Variants in PLCG2 observed in about 807,000 individuals in gnomAD.
PLCG2 encodes the protein 1-phosphatidylinositol 4,5-bisphosphate phosphodiesterase gamma-2.
A neutral mutation model predicts 175.6 loss-of-function variants in PLCG2; 69 were observed. The ratio of observed to expected loss-of-function variants is 0.39; its 90% CI spans 0.32 to 0.48. PLCG2 has a LOEUF of 0.48. Among genes scored for constraint, PLCG2 ranks in the 20% least tolerant of loss-of-function variants. The pLI is 0.91. For synonymous variants in PLCG2, 827 were observed against 624.0 expected, an observed-to-expected ratio of 1.33 and a Z score of -4.85; for missense variants, 1,798 against 1,650.9, an observed-to-expected ratio of 1.09 and a Z score of -1.54.
chr16:81,788,206 A>G (rs957199926), intron 2 of PLCG2, among the ~76,000 whole-genome samples: 2 of 152,174 alleles, frequency 1.3e-5, no homozygotes, highest in African/African-American at 4.8e-5. Context: ...TGATCGTTGC[A>G]TTATTCTTCA....
At chr16:81,870,305 A>G (rs1213489526) in intron 6 of PLCG2, among the ~76,000 whole-genome samples, 2 of 152,244 alleles carry the variant, frequency 1.3e-5, no homozygotes, top group Non-Finnish European at 2.9e-5. Context: ...TTTTACAGGT[A>G]AAGAAAACTG....
intron 30 of PLCG2, among the ~76,000 whole-genome samples, chr16:81,940,460 G>GT (rs966151907): frequency 1.4e-5 from 2 of 145,994 alleles, no homozygotes; most frequent in African/African-American, 4.9e-5. Context: ...GGCATCTTGG[G>GT]GGGGGAGTAA....
At chr16:81,795,699 CT>C (rs1186393002) in intron 2 of PLCG2, among the ~76,000 whole-genome samples, 78 of 147,146 alleles carry the variant, frequency 5.3e-4, no homozygotes, top group Middle Eastern at 3.5e-3. Context: ...CTCCCACCTG[CT>C]TTTTTTTTTT....
intron 2 of PLCG2, among the ~76,000 whole-genome samples, chr16:81,809,865 A>C (rs1597331178): frequency 6.6e-6 from 1 of 151,614 alleles, no homozygotes; most frequent in African/African-American, 2.4e-5. Flanking sequence ...TCAAGCAAAA[A>C]AAGAGAATTT....
intron 31 of PLCG2, among the ~76,000 whole-genome samples, chr16:81,954,523 G>A (rs1203271253): frequency 6.6e-6 from 1 of 152,156 alleles, no homozygotes; most frequent in Non-Finnish European, 1.5e-5. Flanking sequence ...GCCATGGTGT[G>A]TGTTGTTGCC....
intron 5 of PLCG2, 46 bp from the exon 6 acceptor site, chr16:81,869,168 G>C (rs758204350): frequency 4.1e-6 from 6 of 1,466,988 alleles, no homozygotes; most frequent in Non-Finnish European, 4.8e-6. Flanking sequence ...ATCCTGTGCT[G>C]TTGAAAACCC....
intron 3 of PLCG2, among the ~76,000 whole-genome samples, chr16:81,857,115 T>C (rs1906725769): frequency 6.6e-6 from 1 of 152,252 alleles, no homozygotes; most frequent in Non-Finnish European, 1.5e-5. Flanking sequence ...TCATTTGTTA[T>C]AGCAGCAGAG....
chr16:81,802,566 C>G (rs539382875), intron 2 of PLCG2, among the ~76,000 whole-genome samples: 59 of 152,106 alleles, frequency 3.9e-4, no homozygotes, highest in Non-Finnish European at 2.9e-4. Context: ...TGTTTTCTTT[C>G]TTTTTTTGTT....
At chr16:81,749,359 A>AT (rs1015124761) in intron 1 of PLCG2, among the ~76,000 whole-genome samples, 7 of 151,916 alleles carry the variant, frequency 4.6e-5, no homozygotes, top group African/African-American at 1.2e-4. Context: ...TTTATTTTTT[A>AT]TTTTTTTGCG....
At chr16:81,762,252 A>G (rs1017287676) in intron 2 of PLCG2, among the ~76,000 whole-genome samples, 1 of 152,208 alleles carries the variant, frequency 6.6e-6, no homozygotes. Context: ...TGTTGCTATT[A>G]TTTTTTTAAA....
intron 1 of PLCG2, among the ~76,000 whole-genome samples, chr16:81,750,663 A>ATAGTTTTTTTTTT (rs1909790859): frequency 1.5e-5 from 1 of 68,446 alleles, no homozygotes; most frequent in Non-Finnish European, 2.6e-5. Flanking sequence ...GGGACTGGAG[A>ATAGTTTTTTTTTT]TTTTTTTTTT....
chr16:81,868,184 A>G lies in PLCG2; in HGVS notation c.480-1030A>G, dbSNP rs184526691. 1.1e-3 allele frequency among the ~76,000 whole-genome samples: 169 copies of G among 152,260 alleles called. 2 individuals carry two copies. The East Asian group carries it at 0.027, about 25-fold the overall frequency. Reference sequence around the variant, plus strand: ...TTGGCTGTTCTGAGCCCTGGGGGTCAACCATGTGTACTTTGCAGAAGGTAG... The same window carrying G: ...TTGGCTGTTCTGAGCCCTGGGGGTCGACCATGTGTACTTTGCAGAAGGTAG... On this transcript the variant is annotated intron_variant, in intron 5 of 32. Coordinates refer to ENST00000564138, the MANE Select transcript of PLCG2 (RefSeq NM_002661.5).
At chr16:81,938,954 C>A in intron 29 of PLCG2, 39 bp downstream of exon 29, 2 of 1,173,876 alleles carry the variant, frequency 1.7e-6, no homozygotes, top group East Asian at 2.4e-5. Context: ...TTTAAACGTC[C>A]GGCCAGTGAA....
Position 81,936,243 on chromosome 16 carries a change from G to C in PLCG2, c.2917G>C (p.Asp973His). ...ADSIIRQKPVDLLKYNQKGLT... is the reference protein window; with the variant it reads ...ADSIIRQKPVHLLKYNQKGLT... ...CAGCATCATCAGACAGAAGCCCGTC[G>C]ACCTCCTGAAGTACAATCAAAAGGG... The change falls in exon 27 of 33, where the codon GAC (aspartate) becomes CAC (histidine). Residue 973 changes from aspartate (D) to histidine (H), a missense_variant. Physicochemically the swap from Asp to His is moderately conservative, Grantham distance 81. Transcript: ENST00000564138. 6.2e-7 allele frequency: 1 copy of C among 1,614,078 alleles called. No individual in the cohort carries two copies. Among genetic ancestry groups the C allele is most frequent in the Non-Finnish European group, 8.5e-7 (1 of 1,180,012 alleles).
chr16:81,778,035 A>AAC (rs1555505450), upstream of PLCG2, among the ~76,000 whole-genome samples: 1 of 85,404 alleles, frequency 1.2e-5, no homozygotes, highest in Admixed American at 1.0e-4. Context: ...AAAAAAACAA[A>AAC]AAAAAAACAA....
rs747988983 is a variant in PLCG2 at position 81,831,825 on chromosome 16, C to G, written c.194-22619C>G. Among the ~76,000 whole-genome samples, 14 of 152,292 alleles carry G rather than the reference C, an allele frequency of 9.2e-5. No homozygotes were observed. In the East Asian group the frequency reaches 2.7e-3, roughly 29 times the overall value. ...TCTAGCTGTCTGCAACAGGAACTGC[C>G]GGGAGGCCACGCTAGCCATCCCCCA... On this transcript the variant is annotated intron_variant, in intron 2 of 32. Coordinates refer to ENST00000564138, the MANE Select transcript of PLCG2 (RefSeq NM_002661.5).
chr16:81,946,254 G>A lies in PLCG2; in HGVS notation c.3561G>A (p.Arg1187=). 1 of 1,613,032 alleles carries A rather than the reference G, an allele frequency of 6.2e-7. No individual in the cohort carries two copies. Among genetic ancestry groups the A allele is most frequent in the African/African-American group, 1.3e-5 (1 of 74,996 alleles). The change falls in exon 31 of 33, where the codon CGG becomes CGA. Residue 1187 remains arginine (R), a synonymous_variant. Coordinates refer to ENST00000564138, the MANE Select transcript of PLCG2 (RefSeq NM_002661.5). ...CCCTCCTGGTTTTCTGTGAGATGCGGCCAGTCCTGGTGAGTGGAGAAACAC... is the reference window on the plus strand; with the variant it reads ...CCCTCCTGGTTTTCTGTGAGATGCGACCAGTCCTGGTGAGTGGAGAAACAC... The part of the protein sequence containing the change: ...LASLLVFCEM[R]PVLESEEELY...
chr16:81,937,938 A>G (rs762272762), intron 28 of PLCG2, 35 bp downstream of exon 28: 2 of 1,609,880 alleles, frequency 1.2e-6, no homozygotes, highest in Non-Finnish European at 1.7e-6. Flanking sequence ...CAGGGGAGCC[A>G]GCCGCCCTCC....
intron 2 of PLCG2, among the ~76,000 whole-genome samples, chr16:81,804,050 C>T (rs1179643386): frequency 6.6e-6 from 1 of 152,190 alleles, no homozygotes; most frequent in Non-Finnish European, 1.5e-5. Flanking sequence ...ACACATGTTT[C>T]CATTTCTCTT....
Sources: gnomAD v4.1 joint callset for allele counts (sites outside exome capture counted in the v4.1 genomes callset) on GRCh38, gnomAD v4.1.1 for gene constraint, MANE v1.5 for transcripts, NCBI Gene and HGNC (gene_info 2026-07-23, HGNC 2026-07-21) for gene names.